The following PGLYRP2 variants were observed in gnomAD, a reference collection of about 807,000 sequenced individuals.
The protein encoded by PGLYRP2 is peptidoglycan recognition protein 2.
PGLYRP2 carries 38 observed loss-of-function variants against 46.2 expected under a neutral mutation model. The ratio of observed to expected loss-of-function variants is 0.82; its 90% CI spans 0.64 to 1.08. The LOEUF is 1.08. Among genes scored for constraint, PGLYRP2 ranks in the 50% least tolerant of loss-of-function variants. The pLI is 0.00. For synonymous variants in PGLYRP2, 289 were observed against 329.4 expected, an observed-to-expected ratio of 0.88 and a Z score of 1.33; for missense variants, 713 against 755.9, an observed-to-expected ratio of 0.94 and a Z score of 0.67.
chr19:15,475,471 AAT>A, intron 2 of PGLYRP2, 65 bp downstream of exon 2: 2 of 1,445,352 alleles, frequency 1.4e-6, no homozygotes, highest in Non-Finnish European at 1.9e-6. Context: ...AACTTCCCTG[AAT>A]ATACGGGGTG....
In PGLYRP2 at chr19:15,470,253, C is replaced by T. The variant is rs530293517; in HGVS notation, c.1344-324G>A. Among the ~76,000 whole-genome samples the T allele has an allele frequency of 8.8e-3, 977 of 111,374 alleles. 25 individuals carry two copies. The highest frequency in any genetic ancestry group is 0.043 in the Admixed American group (488 of 11,274). The allele number at this position is 111,374 out of a possible 152,430, so 73.1% of individuals were successfully genotyped here. A position where few individuals can be genotyped will look rare whatever the true frequency, so the allele number is the denominator to read the frequency against. On this transcript the variant is annotated intron_variant, in intron 3 of 4. Coordinates refer to ENST00000340880, the MANE Select transcript of PGLYRP2 (RefSeq NM_052890.4). ...TGGGTTTTTTTTCTTTCCTTCCTTC[C>T]TTCCTTCCTTCCTTCCTTCCTTCCT...
In PGLYRP2 at chr19:15,479,362, C is replaced by G; in HGVS notation, c.10G>C (p.Gly4Arg). 1 of 1,613,990 alleles carries G rather than the reference C, an allele frequency of 6.2e-7. No individual in the cohort carries two copies. Among genetic ancestry groups the G allele is most frequent in the Non-Finnish European group, 8.5e-7 (1 of 1,179,952 alleles). Residue 4 changes from glycine to arginine, a missense_variant, in exon 1 of 5, where the codon GGT becomes CGT. Coordinates refer to ENST00000340880, the MANE Select transcript of PGLYRP2 (RefSeq NM_052890.4). MAQGVLWILLGLLL... is the reference protein window; with the variant it reads MAQRVLWILLGLLL... Reference sequence around the variant, plus strand: ...AATCCGAGTAGGATCCAGAGGACACCCTGGGCCATTGTTGCAGGATTCCAG... The same window carrying G: ...AATCCGAGTAGGATCCAGAGGACACGCTGGGCCATTGTTGCAGGATTCCAG...
Position 15,469,676 on chromosome 19 carries a change from C to G in PGLYRP2, c.1597G>C (p.Asp533His). 1.3e-6 allele frequency: 2 copies of G among 1,542,258 alleles called. No homozygotes were observed. ...GTGCGCAGCAGGTCGAAGAGCGCGT[C>G]GCCGGGGCAGTCGGTGCGCACCAGC... ...RQLVRTDCPGDALFDLLRTWP... is the reference protein window; with the variant it reads ...RQLVRTDCPGHALFDLLRTWP... The change falls in exon 4 of 5, where the codon GAC becomes CAC. Residue 533 changes from aspartate (D) to histidine (H), a missense_variant. Asp to His is a moderately conservative substitution (Grantham distance 81). Coordinates refer to ENST00000340880, the MANE Select transcript of PGLYRP2 (RefSeq NM_052890.4). The surrounding 1 kb of genome is among the most constrained non-coding windows in gnomAD (Gnocchi z 4.9).
chr19:15,474,965 C>T (rs536634346), intron 2 of PGLYRP2, among the ~76,000 whole-genome samples: 317 of 143,688 alleles, frequency 2.2e-3, no homozygotes, highest in African/African-American at 8.0e-3. Context: ...CCAGCCTGGG[C>T]GACAGAGAGA....
Position 15,476,615 on chromosome 19 carries a change from G to A in PGLYRP2, c.62-7C>T, listed in dbSNP as rs989312420. The A allele has an allele frequency of 2.5e-6, 4 of 1,576,472 alleles. No individual in the cohort carries two copies. Among genetic ancestry groups the A allele is most frequent in the Non-Finnish European group, 3.4e-6 (4 of 1,162,576 alleles). On this transcript the variant is annotated splice_region_variant and splice_polypyrimidine_tract_variant and intron_variant, in intron 1 of 4. Transcript: ENST00000340880. ...ATGAGCAGGGGCAGGGAGGCTGCAG[G>A]AGGAAAGAATGTGTTAGCCCAGCCC...
intron 1 of PGLYRP2, among the ~76,000 whole-genome samples, chr19:15,477,158 C>T (rs1349962043): frequency 6.6e-6 from 1 of 151,312 alleles, no homozygotes; most frequent in Admixed American, 6.6e-5. Context: ...TTTCGGAGGC[C>T]GAGGTGAGTG....
chr19:15,475,439 C>G (rs1970784301), intron 2 of PGLYRP2, 99 bp downstream of exon 2: 2 of 1,215,962 alleles, frequency 1.6e-6, no homozygotes, highest in Non-Finnish European at 2.3e-6. Flanking sequence ...CTTATTGCCC[C>G]CTCTGGACTC....
intron 1 of PGLYRP2, among the ~76,000 whole-genome samples, chr19:15,477,181 T>C (rs1202440886): frequency 6.6e-6 from 1 of 151,780 alleles, no homozygotes; most frequent in Non-Finnish European, 1.5e-5. Context: ...TCACCTGAGA[T>C]CAGGAGTTCA....
At chr19:15,476,662 G>A (rs933322922) in intron 1 of PGLYRP2, 54 bp from the exon 2 acceptor site, 4 of 1,394,800 alleles carry the variant, frequency 2.9e-6, no homozygotes, top group South Asian at 1.4e-5. Flanking sequence ...GAGCCTCCTT[G>A]TATTGATTCC....
chr19:15,470,255 T>TCCTTCCTCCCTC (rs1356548670), intron 3 of PGLYRP2, among the ~76,000 whole-genome samples: 1 of 114,056 alleles, frequency 8.8e-6, no homozygotes, highest in Non-Finnish European at 1.8e-5. Context: ...CTTCCTTCCT[T>TCCTTCCTCCCTC]CCTTCCTTCC....
chr19:15,474,731 G>A (rs1396428614), intron 2 of PGLYRP2, among the ~76,000 whole-genome samples: 1 of 152,156 alleles, frequency 6.6e-6, no homozygotes, highest in Non-Finnish European at 1.5e-5. Context: ...GCTCACGCCC[G>A]TAATCCTAGC....
chr19:15,470,318 T>G (rs1322867261), intron 3 of PGLYRP2, among the ~76,000 whole-genome samples: 3 of 149,116 alleles, frequency 2.0e-5, no homozygotes, highest in African/African-American at 7.4e-5. Flanking sequence ...CTTTTTTTGA[T>G]GGAGTTTCAC....
In PGLYRP2 at chr19:15,479,411, G is replaced by A; in HGVS notation, c.-40C>T. 6.2e-7 allele frequency: 1 copy of A among 1,603,596 alleles called. No individual in the cohort carries two copies. Among genetic ancestry groups the A allele is most frequent in the Non-Finnish European group, 8.5e-7 (1 of 1,173,310 alleles). On this transcript the variant is annotated 5_prime_UTR_variant, in exon 1 of 5. Coordinates refer to ENST00000340880, the MANE Select transcript of PGLYRP2 (RefSeq NM_052890.4). ...AGCTTCCAAGGGGTATTTCTGGTTG[G>A]CCTCGGCAGAGAACCTCGGCAGTGC...
chr19:15,470,079 C>G, intron 3 of PGLYRP2, 150 bp from the exon 4 acceptor site: 3 of 780,998 alleles, frequency 3.8e-6, no homozygotes, highest in Non-Finnish European at 5.3e-6. Context: ...CAGCTCTGTT[C>G]CACTCTCACA....
At position 15,469,201 on chromosome 19, in the gene PGLYRP2, G is replaced by T; in HGVS notation, c.1641+431C>A. Reference sequence around the variant, plus strand: ...ATGTTGTGTGGACAGAGGGCCTTCGGGTAGGGGCAGGGGTGAGGTCAAGGT... The same window carrying T: ...ATGTTGTGTGGACAGAGGGCCTTCGTGTAGGGGCAGGGGTGAGGTCAAGGT... On this transcript the variant is annotated intron_variant, in intron 4 of 4. Coordinates refer to ENST00000340880, the MANE Select transcript of PGLYRP2 (RefSeq NM_052890.4). This position sits in a 1 kb window ranked among gnomAD's most constrained non-coding sequence, Gnocchi z 4.9. 1 of 590,306 alleles carries T rather than the reference G, an allele frequency of 1.7e-6. No individual in the cohort carries two copies. Among genetic ancestry groups the T allele is most frequent in the Non-Finnish European group, 3.0e-6 (1 of 330,968 alleles). 36.6% of individuals were successfully genotyped at this position (590,306 alleles called of 1,614,324 possible).
intron 3 of PGLYRP2, among the ~76,000 whole-genome samples, chr19:15,470,513 G>A (rs1197491503): frequency 6.6e-6 from 1 of 151,204 alleles, no homozygotes. Flanking sequence ...CGCCATGTTG[G>A]CCAGGCTGGT....
chr19:15,469,753 G>A lies in PGLYRP2; in HGVS notation c.1520C>T (p.Ala507Val). 2 of 1,496,530 alleles carry A rather than the reference G, an allele frequency of 1.3e-6. No homozygotes were observed. The highest frequency in any genetic ancestry group is 1.8e-6 in the Non-Finnish European group (2 of 1,130,224). The allele number at this position is 1,496,530 out of a possible 1,614,324, so 92.7% of individuals were successfully genotyped here. Residue 507 changes from alanine to valine, a missense_variant, in exon 4 of 5, where the codon GCG becomes GTG. Physicochemically the swap from Ala to Val is moderately conservative, Grantham distance 64. Coordinates refer to ENST00000340880, the MANE Select transcript of PGLYRP2 (RefSeq NM_052890.4). The surrounding 1 kb of genome is among the most constrained non-coding windows in gnomAD (Gnocchi z 4.9). ...TGGCCGCAGGAGGCCGGCGCGCACC[G>A]CACAACTCGGGAGCGTGTCGCGCAC... is the stretch of plus-strand genomic sequence containing the variant. ...RTVRDTLPSC[A>V]VRAGLLRPDY...
intron 3 of PGLYRP2, among the ~76,000 whole-genome samples, chr19:15,470,441 C>T (rs1401888625): frequency 6.6e-6 from 1 of 151,318 alleles, no homozygotes; most frequent in Non-Finnish European, 1.5e-5. Context: ...GGATTACAGG[C>T]ACCCGCCACC....
chr19:15,477,924 T>C (rs567256810), intron 1 of PGLYRP2, among the ~76,000 whole-genome samples: 1 of 152,260 alleles, frequency 6.6e-6, no homozygotes, highest in East Asian at 1.9e-4. Flanking sequence ...GCTACTAGTC[T>C]AGGTGACTTA....
Sources: gnomAD v4.1 joint callset for allele counts (sites outside exome capture counted in the v4.1 genomes callset) on GRCh38, gnomAD v4.1.1 for gene constraint, Gnocchi (gnomAD v3.1) non-coding constraint, MANE v1.5 for transcripts, NCBI Gene and HGNC (gene_info 2026-07-23, HGNC 2026-07-21) for gene names.